ADCY7: variants seen among roughly 807,000 people sequenced by gnomAD.
The protein encoded by ADCY7 is adenylate cyclase type 7.
Under a neutral mutation model 120.6 loss-of-function variants are expected in ADCY7, and 72 were observed. That is an observed-to-expected ratio of 0.60 (90% CI 0.49 to 0.73). The LOEUF is 0.73. ADCY7 is among the 30% of genes least tolerant of loss of function. The pLI is 0.00. For synonymous variants in ADCY7, 661 were observed against 628.0 expected, an observed-to-expected ratio of 1.05 and a Z score of -0.78; for missense variants, 1,227 against 1,486.0, an observed-to-expected ratio of 0.83 and a Z score of 2.87.
chr16:50,252,715 G>A (rs1451872699), intron 1 of ADCY7, among the ~76,000 whole-genome samples: 2 of 152,208 alleles, frequency 1.3e-5, no homozygotes. Context: ...CAGAGTTTCT[G>A]CCTCCTGGGC....
intron 1 of ADCY7, among the ~76,000 whole-genome samples, chr16:50,251,432 G>A (rs1413032305): frequency 6.6e-6 from 1 of 152,160 alleles, no homozygotes; most frequent in Non-Finnish European, 1.5e-5. Context: ...GATCCTGAGG[G>A]GCAGGCCTTG....
At chr16:50,313,868 A>T in intron 22 of ADCY7, 90 bp from the exon 23 acceptor site, 1 of 1,034,494 alleles carries the variant, frequency 9.7e-7, no homozygotes, top group Admixed American at 2.0e-5. Context: ...CGATGGGTGG[A>T]GGGAACCCCA....
chr16:50,309,089 C>A, intron 17 of ADCY7: 1 of 365,030 alleles, frequency 2.7e-6, no homozygotes, highest in East Asian at 4.6e-5. Flanking sequence ...AGTTTCCCCT[C>A]TCAGGGATGA....
intron 1 of ADCY7, among the ~76,000 whole-genome samples, chr16:50,278,501 C>A (rs761417823): frequency 9.2e-5 from 14 of 152,154 alleles, no homozygotes; most frequent in Non-Finnish European, 1.3e-4. Context: ...CACAAATGTT[C>A]CCCTAATCTG....
At chr16:50,292,912 C>A in intron 5 of ADCY7, 87 bp downstream of exon 5, 1 of 1,519,150 alleles carries the variant, frequency 6.6e-7, no homozygotes, top group Non-Finnish European at 8.9e-7. Flanking sequence ...CTGCCATGTG[C>A]ATGAGGTGCA....
In ADCY7 at chr16:50,293,443, T is replaced by C; in HGVS notation, c.777T>C (p.Arg259=). ...AACGGCTCAAGGAGCATGGTGACCGTCGCTGCATGCCTGACAACAACTTCC... is the reference window on the plus strand; with the variant it reads ...AACGGCTCAAGGAGCATGGTGACCGCCGCTGCATGCCTGACAACAACTTCC... ...IIERLKEHGD[R]RCMPDNNFHS... Residue 259 remains arginine (R), a synonymous_variant, in exon 6 of 26, where the codon CGT becomes CGC. Coordinates refer to ENST00000673801, the MANE Select transcript of ADCY7 (RefSeq NM_001114.5). 1 of 1,614,046 alleles carries C rather than the reference T, an allele frequency of 6.2e-7. No homozygotes were observed. Among genetic ancestry groups the C allele is most frequent in the East Asian group, 2.2e-5 (1 of 44,884 alleles).
In ADCY7 at chr16:50,300,441, C is replaced by T. The variant is rs116425020; in HGVS notation, c.1077-274C>T. On this transcript the variant is annotated intron_variant, in intron 8 of 25. Coordinates refer to ENST00000673801, the MANE Select transcript of ADCY7 (RefSeq NM_001114.5). ...AACACCCAGTGATGGTATTTTAGGT[C>T]CATCAACATGGGCTGTAGTGACTAG... Among the ~76,000 whole-genome samples the T allele has an allele frequency of 3.1e-3, 469 of 152,304 alleles. 1 individual carries two copies. Among genetic ancestry groups the T allele is most frequent in the African/African-American group, 0.011 (444 of 41,562 alleles).
At position 50,316,429 on chromosome 16, in the gene ADCY7, T is replaced by TGCC. The variant is rs2036802662; in HGVS notation, c.*926_*928dup. The TGCC allele has an allele frequency of 6.6e-6, 1 of 152,394 alleles. No homozygotes were observed. Among genetic ancestry groups the TGCC allele is most frequent in the African/African-American group, 2.4e-5 (1 of 41,462 alleles). The allele number at this position is 152,394 out of a possible 1,614,324, so 9.4% of individuals were successfully genotyped here. On this transcript the variant is annotated 3_prime_UTR_variant, in exon 26 of 26. Coordinates refer to ENST00000673801, the MANE Select transcript of ADCY7 (RefSeq NM_001114.5). ...ACTCACACATCTTTGCGTTCTCCCC[T>TGCC]GCCGTCCTTCAACTGTATCTTACTT...
rs188217442 is a variant in ADCY7 at position 50,300,895 on chromosome 16, G to A, written c.1235+22G>A. 659 of 1,552,466 alleles carry A rather than the reference G, an allele frequency of 4.2e-4. 5 individuals carry two copies. In the African/African-American group the frequency reaches 7.7e-3, roughly 18 times the overall value. ...CCGGGTGAGGCTGGGCTGGGTAGCC[G>A]CAGGGACAGAGGCCTGGGGCTGGCT... is the stretch of plus-strand genomic sequence containing the variant. On this transcript the variant is annotated intron_variant, in intron 9 of 25. Coordinates refer to ENST00000673801, the MANE Select transcript of ADCY7 (RefSeq NM_001114.5).
chr16:50,294,683 G>A lies in ADCY7; in HGVS notation c.880G>A (p.Asp294Asn). ...CGTGGGCTTCACGCAGCTGGCCAGC[G>A]ACTGTTCTCCCAAGGAGCTGGTGGT... ...DIVGFTQLAS[D>N]CSPKELVVVL... is the part of the protein sequence containing the mutation. The change falls in exon 7 of 26, where the codon GAC (aspartate) becomes AAC (asparagine). Residue 294 changes from aspartate to asparagine, a missense_variant. Around this residue, in one of 5 missense-constraint regions of ADCY7, gnomAD observed 382 missense variants for 411.4 expected, o/e 0.93. Transcript: ENST00000673801. 4 of 1,589,854 alleles carry A rather than the reference G, an allele frequency of 2.5e-6. No homozygotes were observed. Among genetic ancestry groups the A allele is most frequent in the East Asian group, 2.2e-5 (1 of 44,562 alleles).
In ADCY7 at chr16:50,281,384, A is replaced by G. The variant is rs192495291; in HGVS notation, c.-268-6528A>G. The stretch of plus-strand genomic sequence containing the variant: ...CTGGGAGAGGTGTGCTGTGGCAGGT[A>G]AGGCAGGTGCGGCAGGTGCAGCAGG... On this transcript the variant is annotated intron_variant, in intron 1 of 25. Transcript: ENST00000673801. Among the ~76,000 whole-genome samples, 266 of 96,546 alleles carry G rather than the reference A, an allele frequency of 2.8e-3. 1 individual carries two copies. The highest frequency in any genetic ancestry group is 7.0e-3 in the African/African-American group (217 of 31,030). 63.3% of individuals were successfully genotyped at this position (96,546 alleles called of 152,430 possible).
intron 1 of ADCY7, among the ~76,000 whole-genome samples, chr16:50,280,992 G>A (rs2034224487): frequency 6.6e-6 from 1 of 152,092 alleles, no homozygotes; most frequent in South Asian, 2.1e-4. Context: ...GGGGGAGCAG[G>A]GTTGGCTGGG....
intron 1 of ADCY7, among the ~76,000 whole-genome samples, chr16:50,251,416 T>G (rs2032753312): frequency 6.6e-6 from 1 of 152,218 alleles, no homozygotes; most frequent in African/African-American, 2.4e-5. Context: ...CATCTCCTGT[T>G]GCCATGATCC....
chr16:50,309,413 C>T (rs112765566), intron 17 of ADCY7, 135 bp from the exon 18 acceptor site: 41 of 675,864 alleles, frequency 6.1e-5, no homozygotes, highest in African/African-American at 4.2e-4. Context: ...CGGCTTGAGC[C>T]GTGCTCAGAG....
At chr16:50,251,219 G>C (rs1358981736) in intron 1 of ADCY7, among the ~76,000 whole-genome samples, 1 of 151,550 alleles carries the variant, frequency 6.6e-6, no homozygotes, top group Non-Finnish European at 1.5e-5. Context: ...TAGTTTGGGT[G>C]ATAGAGCGAG....
rs931575315 is a variant in ADCY7 at position 50,313,366 on chromosome 16, G to T, written c.2751+330G>T. ...ACCTGGGAGGCGGTTGCAGTGAGCTGGGATCACGCCACTGCACTACAGCCT... is the reference window on the plus strand; with the variant it reads ...ACCTGGGAGGCGGTTGCAGTGAGCTTGGATCACGCCACTGCACTACAGCCT... On this transcript the variant is annotated intron_variant, in intron 22 of 25. Coordinates refer to ENST00000673801, the MANE Select transcript of ADCY7 (RefSeq NM_001114.5). 3 of 288,646 alleles carry T rather than the reference G, an allele frequency of 1.0e-5. No individual in the cohort carries two copies. In the Admixed American group the frequency reaches 1.4e-4, roughly 13 times the overall value. The allele number at this position is 288,646 out of a possible 1,614,324, so 17.9% of individuals were successfully genotyped here.
chr16:50,263,000 C>T (rs896993565), upstream of ADCY7, among the ~76,000 whole-genome samples: 2 of 152,202 alleles, frequency 1.3e-5, no homozygotes, highest in African/African-American at 2.4e-5. Flanking sequence ...GGTAGCCTGT[C>T]CCTATGGAAG....
At chr16:50,252,115 G>A (rs1415588899) in intron 1 of ADCY7, among the ~76,000 whole-genome samples, 1 of 152,180 alleles carries the variant, frequency 6.6e-6, no homozygotes, top group Non-Finnish European at 1.5e-5. Flanking sequence ...CGGTGCAGGA[G>A]GAGCCCCCGG....
intron 19 of ADCY7, among the ~76,000 whole-genome samples, chr16:50,311,309 A>G (rs1483797949): frequency 6.6e-6 from 1 of 152,184 alleles, no homozygotes; most frequent in Non-Finnish European, 1.5e-5. Context: ...CCTAAACAAA[A>G]AAGCTGGAAG....
Sources: allele counts gnomAD v4.1 joint callset (sites outside exome capture counted in the v4.1 genomes callset), GRCh38; gene constraint gnomAD v4.1.1; regional missense constraint gnomAD v4.1.1; transcripts MANE v1.5; gene names NCBI Gene and HGNC (gene_info 2026-07-23, HGNC 2026-07-21).